Variants in WDR33 observed in about 807,000 individuals in gnomAD.
WDR33 encodes WD repeat domain 33.
Under a neutral mutation model 164.9 loss-of-function variants are expected in WDR33, and 47 were observed. That is an observed-to-expected ratio of 0.29 (90% CI 0.23 to 0.36). The LOEUF is 0.36. Among genes scored for constraint, WDR33 ranks in the 10% least tolerant of loss-of-function variants. The pLI is 1.00. For synonymous variants in WDR33, 505 were observed against 589.0 expected, an observed-to-expected ratio of 0.86 and a Z score of 2.06; for missense variants, 1,137 against 1,754.1, an observed-to-expected ratio of 0.65 and a Z score of 6.28.
intron 1 of WDR33, among the ~76,000 whole-genome samples, chr2:127,797,932 T>C (rs1052023970): frequency 6.6e-6 from 1 of 151,830 alleles, no homozygotes; most frequent in Non-Finnish European, 1.5e-5. Context: ...GAGGACTGCT[T>C]GAGCCCAGGA....
intron 1 of WDR33, among the ~76,000 whole-genome samples, chr2:127,795,100 C>CGCTT (rs1688987624): frequency 8.9e-6 from 1 of 112,726 alleles, no homozygotes. Flanking sequence ...GCAATAACTT[C>CGCTT]TCTTTTTTTT....
Position 127,705,204 on chromosome 2 carries a change from T to C in WDR33, c.*1119A>G. 1 of 167,244 alleles carries C rather than the reference T, an allele frequency of 6.0e-6. No homozygotes were observed. 10.4% of individuals were successfully genotyped at this position (167,244 alleles called of 1,614,324 possible). Reference sequence around the variant, plus strand: ...ATAGGACAGTCCTTTTAATAAAAGCTTCCATGTAAAACCAAAATAAAGGTC... The same window carrying C: ...ATAGGACAGTCCTTTTAATAAAAGCCTCCATGTAAAACCAAAATAAAGGTC... On this transcript the variant is annotated 3_prime_UTR_variant, in exon 22 of 22. Coordinates refer to ENST00000322313, the MANE Select transcript of WDR33 (RefSeq NM_018383.5). The surrounding 1 kb of genome is among the most constrained non-coding windows in gnomAD (Gnocchi z 4.5).
At chr2:127,759,460 G>A (rs987960911) in intron 7 of WDR33, among the ~76,000 whole-genome samples, 1 of 152,138 alleles carries the variant, frequency 6.6e-6, no homozygotes, top group Non-Finnish European at 1.5e-5. Flanking sequence ...GGAGGCCGAG[G>A]AGCATGGATC....
intron 7 of WDR33, among the ~76,000 whole-genome samples, chr2:127,747,746 C>A (rs929197057): frequency 6.6e-6 from 1 of 152,166 alleles, no homozygotes; most frequent in Non-Finnish European, 1.5e-5. Context: ...CTGGTTCCAA[C>A]CTGTGCCTGC....
At chr2:127,760,412 A>G (rs1320519163) in intron 7 of WDR33, among the ~76,000 whole-genome samples, 1 of 152,238 alleles carries the variant, frequency 6.6e-6, no homozygotes, top group East Asian at 1.9e-4. Flanking sequence ...TTTAGAGGTT[A>G]GACTATCCTG....
rs974283270 is a variant in WDR33 at position 127,716,279 on chromosome 2, C to T, written c.2869+876G>A. ...AAGGACTTTTCTTAATTGGATAAAA[C>T]GGGGGCAAAAATCTTAACATGCACC... On this transcript the variant is annotated intron_variant, in intron 17 of 21. Transcript: ENST00000322313. This position sits in a 1 kb window ranked among gnomAD's most constrained non-coding sequence, Gnocchi z 4.5. Among the ~76,000 whole-genome samples the T allele has an allele frequency of 2.6e-5, 4 of 152,110 alleles. No homozygotes were observed. The highest frequency in any genetic ancestry group is 7.2e-5 in the African/African-American group (3 of 41,408).
chr2:127,798,573 T>C (rs1325165973), intron 1 of WDR33, among the ~76,000 whole-genome samples: 1 of 151,992 alleles, frequency 6.6e-6, no homozygotes, highest in Admixed American at 6.6e-5. Flanking sequence ...AGTTCTACTA[T>C]CTACACAGAC....
chr2:127,736,517 T>TG, intron 7 of WDR33: 1 of 985,450 alleles, frequency 1.0e-6, no homozygotes, highest in Non-Finnish European at 1.2e-6. Flanking sequence ...AAAAGGTAGA[T>TG]GCACCATAAA....
intron 7 of WDR33, among the ~76,000 whole-genome samples, chr2:127,731,014 T>G (rs1015722268): frequency 2.0e-5 from 3 of 151,848 alleles, no homozygotes; most frequent in African/African-American, 7.3e-5. Flanking sequence ...CAAAAATTGA[T>G]CAGGCACGGT....
intron 7 of WDR33, among the ~76,000 whole-genome samples, chr2:127,761,792 C>T (rs954708525): frequency 4.0e-4 from 61 of 152,158 alleles, no homozygotes; most frequent in African/African-American, 1.4e-3. Context: ...TGAAGTTATA[C>T]AATATTATGA....
chr2:127,802,167 C>CAAA (rs557960851), intron 1 of WDR33, among the ~76,000 whole-genome samples: 15 of 125,060 alleles, frequency 1.2e-4, no homozygotes, highest in African/African-American at 3.2e-4. Context: ...GACTCCGACT[C>CAAA]AAAAAAAAAA....
chr2:127,765,084 T>A, intron 5 of WDR33, 90 bp downstream of exon 5: 1 of 1,558,476 alleles, frequency 6.4e-7, no homozygotes, highest in Non-Finnish European at 8.8e-7. Context: ...TTCGTCCCAA[T>A]TCTAAGTTTA....
rs956167025 is a variant in WDR33 at position 127,721,151 on chromosome 2, A to T, written c.1671+685T>A. Among the ~76,000 whole-genome samples the T allele has an allele frequency of 6.6e-6, 1 of 152,166 alleles. No individual in the cohort carries two copies. Among genetic ancestry groups the T allele is most frequent in the Non-Finnish European group, 1.5e-5 (1 of 68,030 alleles). On this transcript the variant is annotated intron_variant, in intron 15 of 21. Transcript: ENST00000322313. This position sits in a 1 kb window ranked among gnomAD's most constrained non-coding sequence, Gnocchi z 4.9. ...GAGACAGAGTCTCACTTTGTGGCAC[A>T]GGCTGGAGTGCAGTGGTACGATCTC...
intron 7 of WDR33, among the ~76,000 whole-genome samples, chr2:127,740,545 A>C (rs747344537): frequency 6.6e-6 from 1 of 152,340 alleles, no homozygotes; most frequent in East Asian, 1.9e-4. Flanking sequence ...TCCTGTCTCT[A>C]AAAAAGAAAA....
In WDR33 at chr2:127,725,231, C is replaced by CAA. The variant is rs397763436; in HGVS notation, c.852-18_852-17dup. 9.7e-6 allele frequency: 15 copies of CAA among 1,554,002 alleles called. No homozygotes were observed. The highest frequency in any genetic ancestry group is 4.2e-5 in the African/African-American group (3 of 71,218). ...ATGGGCATGACTAGAAACAAAGTAT[C>CAA]AAAAAAAAATGTCAGAATTCAAAAC... On this transcript the variant is annotated splice_polypyrimidine_tract_variant and intron_variant, in intron 8 of 21. Transcript: ENST00000322313.
At position 127,724,466 on chromosome 2, in the gene WDR33, A is replaced by G. The variant is rs1303747521; in HGVS notation, c.1086-23T>C. On this transcript the variant is annotated intron_variant, in intron 10 of 21. Coordinates refer to ENST00000322313, the MANE Select transcript of WDR33 (RefSeq NM_018383.5). The surrounding 1 kb of genome is among the most constrained non-coding windows in gnomAD (Gnocchi z 4.8). ...ACCCTGCAACAGCACCAAAGAGAGA[A>G]GATTTGTTCACAAAAGTTACCCAGC... The G allele has an allele frequency of 1.9e-6, 3 of 1,604,186 alleles. No homozygotes were observed. The highest frequency in any genetic ancestry group is 3.4e-5 in the Admixed American group (2 of 59,112).
At position 127,741,629 on chromosome 2, in the gene WDR33, C is replaced by T. The variant is rs1687017922; in HGVS notation, c.725-14852G>A. ...AGCTACTTATACTAACCAATACAAA[C>T]CACCATTCAAATCTCTGGACAACCA... On this transcript the variant is annotated intron_variant, in intron 7 of 21. Transcript: ENST00000322313. The surrounding 1 kb of genome is among the most constrained non-coding windows in gnomAD (Gnocchi z 4.1). Among the ~76,000 whole-genome samples the T allele has an allele frequency of 6.6e-6, 1 of 152,240 alleles. No homozygotes were observed. The highest frequency in any genetic ancestry group is 2.4e-5 in the African/African-American group (1 of 41,536).
At chr2:127,788,511 C>T (rs1472926534) in intron 1 of WDR33, among the ~76,000 whole-genome samples, 17 of 125,832 alleles carry the variant, frequency 1.4e-4, no homozygotes, top group African/African-American at 3.6e-4. Flanking sequence ...GGCGGCTGGC[C>T]GGGTGGGGGG....
intron 1 of WDR33, among the ~76,000 whole-genome samples, chr2:127,809,539 G>A (rs1238943843): frequency 6.8e-6 from 1 of 147,202 alleles, no homozygotes. Flanking sequence ...GGGTTCAAGT[G>A]ATTCTCTTGC....
Sources: allele counts gnomAD v4.1 joint callset (sites outside exome capture counted in the v4.1 genomes callset), GRCh38; gene constraint gnomAD v4.1.1; non-coding constraint Gnocchi (gnomAD v3.1); transcripts MANE v1.5; gene names NCBI Gene and HGNC (gene_info 2026-07-23, HGNC 2026-07-21).